GALNTL6: variants seen among roughly 807,000 people sequenced by gnomAD.
GALNTL6 encodes polypeptide N-acetylgalactosaminyltransferase like 6.
A neutral mutation model predicts 73.7 loss-of-function variants in GALNTL6; 46 were observed. The observed-to-expected ratio is 0.62, with a 90% confidence interval of 0.49 to 0.80. The LOEUF (loss-of-function observed/expected upper bound fraction) is 0.80, where lower values mean the gene tolerates loss of function less well. GALNTL6 is among the 30% of genes least tolerant of loss of function. The pLI, the probability that GALNTL6 is intolerant of heterozygous loss-of-function variation, is 0.00. For synonymous variants in GALNTL6, 259 were observed against 263.7 expected (o/e 0.98, Z 0.17); for missense variants, 604 against 755.0 (o/e 0.80, Z 2.34).
At chr4:172,717,590 A>T (rs1430017004) in intron 5 of GALNTL6, among the ~76,000 whole-genome samples, 2 of 152,220 alleles carry the variant, frequency 1.3e-5, no homozygotes, top group African/African-American at 4.8e-5. Flanking sequence ...AGAATGAATG[A>T]AATACAATAT....
At position 171,813,694 on chromosome 4, in the gene GALNTL6, AGATT is replaced by A. The variant is rs1447503203; in HGVS notation, c.-462_-459del. 1 of 152,324 alleles carries A rather than the reference AGATT, an allele frequency of 6.6e-6. No homozygotes were observed. The highest frequency in any genetic ancestry group is 1.5e-5 in the Non-Finnish European group (1 of 68,172). The allele number at this position is 152,324 out of a possible 1,614,324, so 9.4% of individuals were successfully genotyped here. ...GAGAGCGTCACCGGGGGAAGGGACGAGATTGATGGGCAGAGCGCTCACTTCTCAG... is the reference window on the plus strand; with the variant it reads ...GAGAGCGTCACCGGGGGAAGGGACGAGATGGGCAGAGCGCTCACTTCTCAG... On this transcript the variant is annotated 5_prime_UTR_variant, in exon 1 of 13. In the 5' UTR this introduces an upstream ATG that the reference lacks. Transcript: ENST00000506823. This position sits in a 1 kb window ranked among gnomAD's most constrained non-coding sequence, Gnocchi z 5.2.
chr4:172,053,335 C>G (rs908662377), intron 2 of GALNTL6, among the ~76,000 whole-genome samples: 1 of 152,038 alleles, frequency 6.6e-6, no homozygotes, highest in Non-Finnish European at 1.5e-5. Context: ...GTGCTATCCC[C>G]AGTCATTATA....
chr4:172,755,579 TAAC>T (rs1737708163), intron 5 of GALNTL6, among the ~76,000 whole-genome samples: 4 of 152,176 alleles, frequency 2.6e-5, no homozygotes, highest in Admixed American at 2.0e-4. Context: ...AATTAACAAA[TAAC>T]AAAACTACAG....
intron 2 of GALNTL6, among the ~76,000 whole-genome samples, chr4:172,181,850 G>A (rs1735255433): frequency 6.6e-6 from 1 of 151,608 alleles, no homozygotes; most frequent in African/African-American, 2.4e-5. Flanking sequence ...TGAGTAGCTG[G>A]GACTACAGGC....
At chr4:173,030,755 G>A (rs1313627423) in intron 12 of GALNTL6, among the ~76,000 whole-genome samples, 1 of 151,448 alleles carries the variant, frequency 6.6e-6, no homozygotes, top group Non-Finnish European at 1.5e-5. Context: ...GGGAGGCCGA[G>A]GCATTTGAGA....
intron 5 of GALNTL6, among the ~76,000 whole-genome samples, chr4:172,749,334 A>G (rs150256304): frequency 5.8e-4 from 88 of 152,280 alleles, no homozygotes; most frequent in African/African-American, 1.9e-3. Context: ...TATAATATTT[A>G]AACCATGTGA....
intron 2 of GALNTL6, among the ~76,000 whole-genome samples, chr4:171,847,695 A>G (rs908181806): frequency 6.6e-6 from 1 of 152,208 alleles, no homozygotes; most frequent in Admixed American, 6.5e-5. Context: ...AGTAGATTCT[A>G]TATCAAAAGA....
intron 5 of GALNTL6, among the ~76,000 whole-genome samples, chr4:172,464,283 A>C (rs1732724256): frequency 6.6e-6 from 1 of 152,148 alleles, no homozygotes; most frequent in Admixed American, 6.5e-5. Flanking sequence ...GGGTAATAAT[A>C]ATAGTAATAA....
At chr4:172,414,282 C>G (rs1744543195) in intron 5 of GALNTL6, among the ~76,000 whole-genome samples, 1 of 152,066 alleles carries the variant, frequency 6.6e-6, no homozygotes, top group South Asian at 2.1e-4. Flanking sequence ...GTGATGCTAT[C>G]TTTGCTGCTT....
intron 5 of GALNTL6, among the ~76,000 whole-genome samples, chr4:172,444,083 T>A (rs1731934052): frequency 6.6e-6 from 1 of 152,102 alleles, no homozygotes; most frequent in African/African-American, 2.4e-5. Context: ...ACAGTGGTAG[T>A]GGAGATGGTG....
chr4:172,774,270 A>C (rs1738942438), intron 5 of GALNTL6, among the ~76,000 whole-genome samples: 1 of 152,216 alleles, frequency 6.6e-6, no homozygotes, highest in Non-Finnish European at 1.5e-5. Flanking sequence ...TCTGTGTCTC[A>C]ACATGGTGGT....
rs146311126 is a variant in GALNTL6, at chr4:173,034,310, T to C, written c.1639-5623T>C. Among the ~76,000 whole-genome samples the C allele has an allele frequency of 6.6e-5, 10 of 152,296 alleles. No individual in the cohort carries two copies. The East Asian group carries it at 1.9e-3, about 29-fold the overall frequency. On this transcript the variant is annotated intron_variant, in intron 12 of 12. Transcript: ENST00000506823. Reference sequence around the variant, plus strand: ...TCACTGCCACCCTAACTATAGACCCTGTGACTCTTGTTCAAATCTCCCAAT... The same window carrying C: ...TCACTGCCACCCTAACTATAGACCCCGTGACTCTTGTTCAAATCTCCCAAT...
At chr4:172,288,783 A>G (rs923131399) in intron 3 of GALNTL6, among the ~76,000 whole-genome samples, 4 of 152,188 alleles carry the variant, frequency 2.6e-5, no homozygotes, top group Non-Finnish European at 5.9e-5. Context: ...TGTAAATTGT[A>G]ACTCGACTAT....
At chr4:172,268,501 G>A (rs561171883) in intron 3 of GALNTL6, among the ~76,000 whole-genome samples, 7 of 152,270 alleles carry the variant, frequency 4.6e-5, no homozygotes, top group South Asian at 2.1e-4. Flanking sequence ...GGTGGCCTCC[G>A]CCTAGACTCT....
At chr4:172,203,546 A>C (rs1055964042) in intron 2 of GALNTL6, among the ~76,000 whole-genome samples, 1 of 152,178 alleles carries the variant, frequency 6.6e-6, no homozygotes, top group African/African-American at 2.4e-5. Flanking sequence ...ATGTCATTCA[A>C]TCCTTCCAAC....
chr4:172,907,336 T>A (rs988139986), intron 8 of GALNTL6, among the ~76,000 whole-genome samples: 2 of 152,192 alleles, frequency 1.3e-5, no homozygotes, highest in African/African-American at 2.4e-5. Flanking sequence ...ATTTTATTTA[T>A]AAATACTCAT....
At chr4:172,481,416 G>T (rs1733466677) in intron 5 of GALNTL6, among the ~76,000 whole-genome samples, 1 of 134,724 alleles carries the variant, frequency 7.4e-6, no homozygotes, top group Non-Finnish European at 1.7e-5. Context: ...GTGTGGAAGG[G>T]GACCAGGGTT....
intron 7 of GALNTL6, among the ~76,000 whole-genome samples, chr4:172,862,749 A>T (rs1744461220): frequency 6.6e-6 from 1 of 152,200 alleles, no homozygotes; most frequent in South Asian, 2.1e-4. Context: ...GGAGAAATTC[A>T]AGCCAGCTTC....
intron 8 of GALNTL6, among the ~76,000 whole-genome samples, chr4:172,916,069 C>G (rs562184981): frequency 1.1e-4 from 16 of 152,274 alleles, no homozygotes; most frequent in African/African-American, 3.9e-4. Flanking sequence ...GGCTTCATCC[C>G]TGGAATGAAA....
Sources: gnomAD v4.1 joint callset for allele counts (sites outside exome capture counted in the v4.1 genomes callset) on GRCh38, gnomAD v4.1.1 for gene constraint, Gnocchi (gnomAD v3.1) non-coding constraint, MANE v1.5 for transcripts, NCBI Gene and HGNC (gene_info 2026-07-23, HGNC 2026-07-21) for gene names.